The following STAC variants were observed in gnomAD, a reference collection of about 807,000 sequenced individuals.
STAC encodes SH3 and cysteine-rich domain-containing protein.
In STAC, 43 loss-of-function variants were observed where a neutral mutation model predicts 48.8. That is an observed-to-expected ratio of 0.88 (90% CI 0.69 to 1.14). The LOEUF is 1.14. STAC is among the 50% of genes most tolerant of loss of function. STAC has a pLI of 0.00. For missense variants in STAC, 497 were observed against 504.0 expected (o/e 0.99, Z 0.13); for synonymous variants, 193 against 179.5 (o/e 1.07, Z -0.60).
At chr3:36,439,491 A>G (rs1246048993) in intron 1 of STAC, among the ~76,000 whole-genome samples, 1 of 152,224 alleles carries the variant, frequency 6.6e-6, no homozygotes. Context: ...GGGAGCAAAC[A>G]GTAAATGATT....
chr3:36,538,368 T>C (rs1027914115), intron 10 of STAC, among the ~76,000 whole-genome samples: 2 of 152,178 alleles, frequency 1.3e-5, no homozygotes, highest in South Asian at 4.1e-4. Flanking sequence ...TAGAAAAAGT[T>C]TGCCAATCCT....
At chr3:36,512,405 G>C (rs937807018) in intron 8 of STAC, among the ~76,000 whole-genome samples, 1 of 152,158 alleles carries the variant, frequency 6.6e-6, no homozygotes, top group Non-Finnish European at 1.5e-5. Context: ...TATTTACTTT[G>C]CAATAAGTAC....
At chr3:36,498,569 C>T (rs1698204748) in intron 6 of STAC, among the ~76,000 whole-genome samples, 1 of 152,074 alleles carries the variant, frequency 6.6e-6, no homozygotes, top group African/African-American at 2.4e-5. Flanking sequence ...GCTTGGGAAA[C>T]ATTGTGAAAC....
chr3:36,388,462 A>T (rs1033530729), intron 1 of STAC, among the ~76,000 whole-genome samples: 1 of 151,998 alleles, frequency 6.6e-6, no homozygotes, highest in African/African-American at 2.4e-5. Context: ...TACATTTTCA[A>T]TGTAGAAGTT....
At chr3:36,472,502 T>C (rs551342692) in intron 2 of STAC, among the ~76,000 whole-genome samples, 1 of 152,242 alleles carries the variant, frequency 6.6e-6, no homozygotes, top group Non-Finnish European at 1.5e-5. Flanking sequence ...GGCTGCACAT[T>C]TTCTGAACTT....
intron 1 of STAC, among the ~76,000 whole-genome samples, chr3:36,400,483 A>T (rs1699979427): frequency 6.6e-6 from 1 of 152,220 alleles, no homozygotes; most frequent in Non-Finnish European, 1.5e-5. Context: ...ACACACACAT[A>T]CTACAAGCAA....
At position 36,443,394 on chromosome 3, in the gene STAC, A is replaced by AAGACC. The variant is rs774497026; in HGVS notation, c.144_148dup (p.Lys50ArgfsTer22). 1 of 1,614,188 alleles carries AAGACC rather than the reference A, an allele frequency of 6.2e-7. No individual in the cohort carries two copies. Among genetic ancestry groups the AAGACC allele is most frequent in the African/African-American group, 1.3e-5 (1 of 75,044 alleles). ...GAAACTAAAACGATCACTTTCTTTC[A>AAGACC]AGACCAAGAGTTTACGGAGCAAAAG... is the stretch of plus-strand genomic sequence containing the variant. On this transcript the variant is annotated frameshift_variant, in exon 2 of 11. Coordinates refer to ENST00000273183, the MANE Select transcript of STAC (RefSeq NM_003149.3). LOFTEE classifies it high-confidence loss of function. The surrounding 1 kb of genome is among the most constrained non-coding windows in gnomAD (Gnocchi z 4.2).
intron 1 of STAC, among the ~76,000 whole-genome samples, chr3:36,411,179 T>C (rs1417738532): frequency 6.6e-6 from 1 of 152,172 alleles, no homozygotes; most frequent in Non-Finnish European, 1.5e-5. Flanking sequence ...CTTCAAAATA[T>C]TTCCAGAACA....
chr3:36,530,878 G>A (rs1372451050), intron 10 of STAC, among the ~76,000 whole-genome samples: 3 of 151,950 alleles, frequency 2.0e-5, no homozygotes, highest in African/African-American at 4.8e-5. Flanking sequence ...GATTACAGGC[G>A]TGAGCCACTG....
intron 1 of STAC, among the ~76,000 whole-genome samples, chr3:36,399,050 T>G (rs1699947386): frequency 6.6e-6 from 1 of 152,154 alleles, no homozygotes; most frequent in African/African-American, 2.4e-5. Context: ...TGCACCAGAG[T>G]TGCCCCTCCC....
chr3:36,530,259 A>C (rs1265301757), intron 10 of STAC, among the ~76,000 whole-genome samples: 1 of 152,214 alleles, frequency 6.6e-6, no homozygotes, highest in Non-Finnish European at 1.5e-5. Flanking sequence ...TTCCCAAGGT[A>C]ATGAATGCCT....
At chr3:36,391,749 T>C (rs1031521278) in intron 1 of STAC, among the ~76,000 whole-genome samples, 9 of 152,196 alleles carry the variant, frequency 5.9e-5, no homozygotes, top group African/African-American at 1.2e-4. Context: ...GAAGACAAGA[T>C]GTCTTGCAGC....
chr3:36,392,683 G>A (rs1382567091), intron 1 of STAC, among the ~76,000 whole-genome samples: 6 of 152,044 alleles, frequency 3.9e-5, no homozygotes, highest in Non-Finnish European at 8.8e-5. Flanking sequence ...GAGCTTTCAG[G>A]TGATGGTTGT....
chr3:36,504,411 A>G lies in STAC; in HGVS notation c.785A>G (p.Asn262Ser), dbSNP rs7634545. The change falls in exon 7 of 11, where the codon AAT (asparagine) becomes AGT (serine). Residue 262 changes from asparagine (N) to serine (S), a missense_variant. Coordinates refer to ENST00000273183, the MANE Select transcript of STAC (RefSeq NM_003149.3). ...RSNSVFTYPE[N>S]GTDDFRDPAK... The stretch of plus-strand genomic sequence containing the variant: ...CCTTCAGTGTTTACATATCCAGAAA[A>G]TGGCACTGATGATTTCAGAGATCCA... 4.7e-3 allele frequency: 7,660 copies of G among 1,613,536 alleles called. 254 individuals carry two copies. The African/African-American group carries it at 0.082, about 17-fold the overall frequency.
intron 1 of STAC, among the ~76,000 whole-genome samples, chr3:36,387,919 C>T (rs545289559): frequency 6.6e-6 from 1 of 152,176 alleles, no homozygotes; most frequent in African/African-American, 2.4e-5. Context: ...ATCCTATTTT[C>T]CACAGTGGTC....
chr3:36,454,467 A>G (rs1182441731), intron 2 of STAC, among the ~76,000 whole-genome samples: 1 of 152,156 alleles, frequency 6.6e-6, no homozygotes, highest in African/African-American at 2.4e-5. Context: ...ACACGCCACC[A>G]TTAAGAACTG....
chr3:36,448,799 C>G (rs895617870), intron 2 of STAC, among the ~76,000 whole-genome samples: 2 of 151,856 alleles, frequency 1.3e-5, no homozygotes, highest in Non-Finnish European at 2.9e-5. Flanking sequence ...GTAAGCTCCA[C>G]TGGCACAGTA....
chr3:36,520,555 C>G (rs539423500), intron 8 of STAC, among the ~76,000 whole-genome samples: 4 of 152,156 alleles, frequency 2.6e-5, no homozygotes, highest in African/African-American at 9.7e-5. Context: ...CTTGGTGTCT[C>G]GTTTCTATTC....
At chr3:36,432,714 A>C (rs1700735542) in intron 1 of STAC, among the ~76,000 whole-genome samples, 1 of 152,144 alleles carries the variant, frequency 6.6e-6, no homozygotes, top group Non-Finnish European at 1.5e-5. Flanking sequence ...AAAAAAAAAA[A>C]AAACTGTCGC....
Sources: gnomAD v4.1 joint callset for allele counts (sites outside exome capture counted in the v4.1 genomes callset) on GRCh38, gnomAD v4.1.1 for gene constraint, Gnocchi (gnomAD v3.1) non-coding constraint, MANE v1.5 for transcripts, NCBI Gene and HGNC (gene_info 2026-07-23, HGNC 2026-07-21) for gene names.